The following BIRC5 variants were observed in gnomAD, a reference collection of about 807,000 sequenced individuals.
BIRC5 encodes baculoviral IAP repeat containing 5, also known as baculoviral IAP repeat-containing protein 5.
A neutral mutation model predicts 15.8 loss-of-function variants in BIRC5; 8 were observed. The observed-to-expected ratio is 0.51, with a 90% confidence interval of 0.30 to 0.91. The LOEUF is 0.91. Ranked by LOEUF, BIRC5 falls within the 40% of genes least tolerant of loss-of-function variation. The pLI is 0.07. For missense variants in BIRC5, 163 were observed against 178.6 expected (o/e 0.91, Z 0.50); for synonymous variants, 56 against 64.5 (o/e 0.87, Z 0.63).
chr17:78,224,033 GA>G lies in BIRC5; in HGVS notation c.*480del. Reference sequence around the variant, plus strand: ...TATCTGTCACACCTGTGCCTCCTCAGAGGACAGTTTTTTTGTTGTTGTGTTT... The same window carrying G: ...TATCTGTCACACCTGTGCCTCCTCAGGGACAGTTTTTTTGTTGTTGTGTTT... On this transcript the variant is annotated 3_prime_UTR_variant, in exon 4 of 4. Transcript: ENST00000350051. The G allele has an allele frequency of 6.0e-6, 1 of 166,304 alleles. No homozygotes were observed. Among genetic ancestry groups the G allele is most frequent in the Non-Finnish European group, 1.3e-5 (1 of 79,114 alleles). The allele number at this position is 166,304 out of a possible 1,614,324, so 10.3% of individuals were successfully genotyped here.
At chr17:78,215,306 A>C (rs1260290918) in intron 2 of BIRC5, among the ~76,000 whole-genome samples, 1 of 152,010 alleles carries the variant, frequency 6.6e-6, no homozygotes, top group African/African-American at 2.4e-5. Flanking sequence ...AATCCCAGCT[A>C]CTCGGGAGGC....
At chr17:78,214,659 G>T in intron 1 of BIRC5, 21 bp from the exon 2 acceptor site, 2 of 1,573,378 alleles carry the variant, frequency 1.3e-6, no homozygotes, top group South Asian at 2.3e-5. Flanking sequence ...GTCCACTCAC[G>T]AGCTGTGCTG....
rs2076539635 is a variant in BIRC5 at position 78,224,855 on chromosome 17, C to T, written c.*1301C>T. 6.6e-6 allele frequency: 1 copy of T among 152,212 alleles called. No homozygotes were observed. The highest frequency in any genetic ancestry group is 2.1e-4 in the South Asian group (1 of 4,836). The allele number at this position is 152,212 out of a possible 1,614,324, so 9.4% of individuals were successfully genotyped here. ...GGGCGCTTGCCAGAGCCACGAACCCCAGACCTGTTTGTATCATCCGGGCTC... is the reference window on the plus strand; with the variant it reads ...GGGCGCTTGCCAGAGCCACGAACCCTAGACCTGTTTGTATCATCCGGGCTC... On this transcript the variant is annotated 3_prime_UTR_variant, in exon 4 of 4. Coordinates refer to ENST00000350051, the MANE Select transcript of BIRC5 (RefSeq NM_001168.3).
chr17:78,220,153 G>A (rs1370989479), intron 3 of BIRC5, among the ~76,000 whole-genome samples: 2 of 148,254 alleles, frequency 1.3e-5, no homozygotes, highest in Admixed American at 6.9e-5. Context: ...TCAGGGCCGG[G>A]CATGGTGGCT....
In BIRC5 at chr17:78,224,051, G is replaced by GTGTTTTTTTT. The variant is rs1567867388; in HGVS notation, c.*498_*499insGTTTTTTTTT. ...CTCCTCAGAGGACAGTTTTTTTGTT[G>GTGTTTTTTTT]TTGTGTTTTTTTGTTTTTTTTTTTT... On this transcript the variant is annotated 3_prime_UTR_variant, in exon 4 of 4. Transcript: ENST00000350051. The GTGTTTTTTTT allele has an allele frequency of 1.7e-5, 2 of 114,832 alleles. No individual in the cohort carries two copies. Among genetic ancestry groups the GTGTTTTTTTT allele is most frequent in the Non-Finnish European group, 1.8e-5 (1 of 55,484 alleles). The allele number at this position is 114,832 out of a possible 1,614,324, so 7.1% of individuals were successfully genotyped here. A position where few individuals can be genotyped will look rare whatever the true frequency, so the allele number is the denominator to read the frequency against.
chr17:78,216,942 C>G (rs1192201314), intron 3 of BIRC5, among the ~76,000 whole-genome samples, 161 bp downstream of exon 3: 1 of 149,934 alleles, frequency 6.7e-6, no homozygotes, highest in Admixed American at 6.7e-5. Context: ...TGCAATGGTG[C>G]AATCTTGGCT....
rs748883772 is a variant in BIRC5 at position 78,216,703 on chromosome 17, T to C, written c.261T>C (p.Leu87=). 6.2e-7 allele frequency: 1 copy of C among 1,614,028 alleles called. No homozygotes were observed. The highest frequency in any genetic ancestry group is 1.3e-5 in the African/African-American group (1 of 75,054). ...HKKHSSGCAF[L]SVKKQFEELT... ...AGCATTCGTCCGGTTGCGCTTTCCTTTCTGTCAAGAAGCAGTTTGAAGAAT... is the reference window on the plus strand; with the variant it reads ...AGCATTCGTCCGGTTGCGCTTTCCTCTCTGTCAAGAAGCAGTTTGAAGAAT... Residue 87 remains leucine (L), a synonymous_variant, in exon 3 of 4, where the codon CTT becomes CTC. Transcript: ENST00000350051.
In BIRC5 at chr17:78,223,742, G is replaced by A. The variant is rs898021487; in HGVS notation, c.*188G>A. The A allele has an allele frequency of 4.0e-6, 5 of 1,261,106 alleles. No homozygotes were observed. The African/African-American group carries it at 6.2e-5, about 16-fold the overall frequency. 78.1% of individuals were successfully genotyped at this position (1,261,106 alleles called of 1,614,324 possible). A position where few individuals can be genotyped will look rare whatever the true frequency, so the allele number is the denominator to read the frequency against. Reference sequence around the variant, plus strand: ...AGTGGCACCAGAGGTGCTTCTGCCTGTGCAGCGGGTGCTGCTGGTAACAGT... The same window carrying A: ...AGTGGCACCAGAGGTGCTTCTGCCTATGCAGCGGGTGCTGCTGGTAACAGT... On this transcript the variant is annotated 3_prime_UTR_variant, in exon 4 of 4. Transcript: ENST00000350051.
chr17:78,214,973 C>T, intron 2 of BIRC5, 184 bp downstream of exon 2: 1 of 580,584 alleles, frequency 1.7e-6, no homozygotes, highest in South Asian at 1.9e-5. Context: ...CTAATTAAAT[C>T]TCATTTGACC....
Position 78,216,880 on chromosome 17 carries a change from A to T in BIRC5, c.339+99A>T, listed in dbSNP as rs535741626. 3.1e-4 allele frequency: 217 copies of T among 688,964 alleles called. No homozygotes were observed. In the African/African-American group the frequency reaches 3.5e-3, roughly 11 times the overall value. The allele number at this position is 688,964 out of a possible 1,614,324, so 42.7% of individuals were successfully genotyped here. On this transcript the variant is annotated intron_variant, in intron 3 of 3. Transcript: ENST00000350051. ...GGACTCTGTGTTTTCCTCAGGAAGC[A>T]TTTTTTTTTTTTTTCTGAGATAGAG... is the stretch of plus-strand genomic sequence containing the variant.
At chr17:78,216,880 A>ATTTTT in intron 3 of BIRC5, 99 bp downstream of exon 3, 1 of 688,328 alleles carries the variant, frequency 1.5e-6, no homozygotes, top group South Asian at 2.0e-5. Context: ...CTCAGGAAGC[A>ATTTTT]TTTTTTTTTT....
At chr17:78,214,520 C>T in intron 1 of BIRC5, 93 bp downstream of exon 1, 1 of 1,314,440 alleles carries the variant, frequency 7.6e-7, no homozygotes, top group Non-Finnish European at 1.0e-6. Flanking sequence ...TACAAGCCGC[C>T]CTCCCCTCCC....
At chr17:78,223,188 G>A (rs958148958) in intron 3 of BIRC5, among the ~76,000 whole-genome samples, 1 of 152,192 alleles carries the variant, frequency 6.6e-6, no homozygotes, top group African/African-American at 2.4e-5. Context: ...ACATAAATCA[G>A]TTAATGGAGG....
chr17:78,223,708 T>C lies in BIRC5; in HGVS notation c.*154T>C. On this transcript the variant is annotated 3_prime_UTR_variant, in exon 4 of 4. Transcript: ENST00000350051. ...AGATGTTTCAACTGTGCTCTTGTTT[T>C]GTCTTGAAAGTGGCACCAGAGGTGC... The C allele has an allele frequency of 7.0e-7, 1 of 1,436,622 alleles. No homozygotes were observed. The highest frequency in any genetic ancestry group is 9.2e-7 in the Non-Finnish European group (1 of 1,087,556). 89.0% of individuals were successfully genotyped at this position (1,436,622 alleles called of 1,614,324 possible).
Position 78,214,337 on chromosome 17 carries a change from C to T in BIRC5, c.21C>T (p.Pro7=). 3 of 1,608,724 alleles carry T rather than the reference C, an allele frequency of 1.9e-6. No individual in the cohort carries two copies. The South Asian group carries it at 3.3e-5, about 18-fold the overall frequency. ...GCGGCATGGGTGCCCCGACGTTGCCCCCTGCCTGGCAGCCCTTTCTCAAGG... is the reference window on the plus strand; with the variant it reads ...GCGGCATGGGTGCCCCGACGTTGCCTCCTGCCTGGCAGCCCTTTCTCAAGG... MGAPTL[P]PAWQPFLKDH... The change falls in exon 1 of 4, where the codon CCC becomes CCT. Residue 7 remains proline, a synonymous_variant. Coordinates refer to ENST00000350051, the MANE Select transcript of BIRC5 (RefSeq NM_001168.3).
chr17:78,214,259 C>T lies in BIRC5; in HGVS notation c.-58C>T. ...TGCGCTCCCGACATGCCCCGCGGCG[C>T]GCCATTAACCGCCAGATTTGAATCG... On this transcript the variant is annotated 5_prime_UTR_variant, in exon 1 of 4. Transcript: ENST00000350051. 6.8e-7 allele frequency: 1 copy of T among 1,477,050 alleles called. No individual in the cohort carries two copies. Among genetic ancestry groups the T allele is most frequent in the Non-Finnish European group, 9.2e-7 (1 of 1,082,766 alleles). 91.5% of individuals were successfully genotyped at this position (1,477,050 alleles called of 1,614,324 possible). A position where few individuals can be genotyped will look rare whatever the true frequency, so the allele number is the denominator to read the frequency against.
rs1599032512 is a variant in BIRC5, at chr17:78,221,837, C to T, written c.340-1628C>T. On this transcript the variant is annotated intron_variant, in intron 3 of 3. Coordinates refer to ENST00000350051, the MANE Select transcript of BIRC5 (RefSeq NM_001168.3). The stretch of plus-strand genomic sequence containing the variant: ...GTATATATATTTTAAAAGCCATGGT[C>T]ATCTTTCCATATCAGTAAAGCTGAG... 2.6e-5 allele frequency among the ~76,000 whole-genome samples: 4 copies of T among 152,296 alleles called. 1 individual carries two copies. The highest frequency in any genetic ancestry group is 2.6e-4 in the Admixed American group (4 of 15,284).
At chr17:78,222,377 T>C (rs2076521118) in intron 3 of BIRC5, among the ~76,000 whole-genome samples, 1 of 151,924 alleles carries the variant, frequency 6.6e-6, no homozygotes, top group African/African-American at 2.4e-5. Context: ...TATTGAAAAG[T>C]AATTTTTTGG....
chr17:78,214,398 T>G lies in BIRC5; in HGVS notation c.82T>G (p.Leu28Val). The change falls in exon 1 of 4, where the codon TTG becomes GTG. Residue 28 changes from leucine (L) to valine (V), a missense_variant. By Grantham distance (32) the Leu-to-Val change is conservative. Coordinates refer to ENST00000350051, the MANE Select transcript of BIRC5 (RefSeq NM_001168.3). ...CTCTACATTCAAGAACTGGCCCTTC[T>G]TGGAGGGCTGCGCCTGCACCCCGGA... is the stretch of plus-strand genomic sequence containing the variant. The part of the protein sequence containing the change: ...RISTFKNWPF[L>V]EGCACTPERM... The G allele has an allele frequency of 6.3e-7, 1 of 1,596,056 alleles. No individual in the cohort carries two copies. The highest frequency in any genetic ancestry group is 1.4e-5 in the African/African-American group (1 of 73,886).
Sources: gnomAD v4.1 joint callset for allele counts (sites outside exome capture counted in the v4.1 genomes callset) on GRCh38, gnomAD v4.1.1 for gene constraint, MANE v1.5 for transcripts, NCBI Gene and HGNC (gene_info 2026-07-23, HGNC 2026-07-21) for gene names.